The following CHRNA2 variants were observed in gnomAD, a reference collection of about 807,000 sequenced individuals.
CHRNA2 encodes cholinergic receptor nicotinic alpha 2 subunit.
A neutral mutation model predicts 45.5 loss-of-function variants in CHRNA2; 40 were observed. The ratio of observed to expected loss-of-function variants is 0.88; its 90% confidence interval spans 0.68 to 1.15. CHRNA2 has a LOEUF of 1.15. Among genes scored for constraint, CHRNA2 ranks in the 50% most tolerant of loss-of-function variants. CHRNA2 has a pLI of 0.00. For missense variants in CHRNA2, 655 were observed against 701.7 expected (o/e 0.93, Z 0.75); for synonymous variants, 301 against 296.7 (o/e 1.01, Z -0.15).
At chr8:27,477,896 G>A (rs962463777) in intron 1 of CHRNA2, among the ~76,000 whole-genome samples, 5 of 152,060 alleles carry the variant, frequency 3.3e-5, no homozygotes, top group African/African-American at 9.7e-5. Context: ...CGCTGCTCAC[G>A]TACACCAGTT....
At chr8:27,471,982 G>A (rs1033564912) in intron 1 of CHRNA2, among the ~76,000 whole-genome samples, 3 of 152,136 alleles carry the variant, frequency 2.0e-5, no homozygotes, top group Non-Finnish European at 2.9e-5. Flanking sequence ...TAAGTTGATC[G>A]CCAATGGCCA....
chr8:27,476,461 T>C (rs373468979), intron 1 of CHRNA2, among the ~76,000 whole-genome samples: 2 of 152,222 alleles, frequency 1.3e-5, no homozygotes, highest in African/African-American at 4.8e-5. Context: ...TTGTGTTGAG[T>C]TGAGTTTAGA....
intron 5 of CHRNA2, 36 bp from the exon 6 acceptor site, chr8:27,464,029 C>T (rs1202647486): frequency 6.2e-7 from 1 of 1,611,082 alleles, no homozygotes; most frequent in Non-Finnish European, 8.5e-7. Flanking sequence ...GACCCCTGCA[C>T]ACCCACCTGC....
At chr8:27,468,513 C>G (rs769585380) in intron 4 of CHRNA2, among the ~76,000 whole-genome samples, 9 of 152,200 alleles carry the variant, frequency 5.9e-5, no homozygotes, top group Non-Finnish European at 1.0e-4. Flanking sequence ...CAATGCTGGC[C>G]CAGTTTCTTT....
At chr8:27,467,097 G>A (rs910316928) in intron 5 of CHRNA2, 132 bp downstream of exon 5, 3 of 704,398 alleles carry the variant, frequency 4.3e-6, no homozygotes, top group Non-Finnish European at 7.8e-6. Flanking sequence ...AGAGGTAGGG[G>A]AGGCATGCTC....
chr8:27,473,195 G>A (rs947207331), intron 1 of CHRNA2, among the ~76,000 whole-genome samples: 5 of 152,016 alleles, frequency 3.3e-5, no homozygotes, highest in South Asian at 2.1e-4. Flanking sequence ...GGGACACATC[G>A]TGTATGTGGC....
intron 1 of CHRNA2, among the ~76,000 whole-genome samples, chr8:27,478,086 C>G (rs1813115261): frequency 6.6e-6 from 1 of 152,176 alleles, no homozygotes; most frequent in African/African-American, 2.4e-5. Context: ...TTTCCTTCTC[C>G]CAAAAGGCTG....
Position 27,463,042 on chromosome 8 carries a change from C to A in CHRNA2, c.1401G>T (p.Gln467His). The A allele has an allele frequency of 6.2e-7, 1 of 1,613,984 alleles. No individual in the cohort carries two copies. The highest frequency in any genetic ancestry group is 1.1e-5 in the South Asian group (1 of 91,076). Reference protein sequence around the residue: ...EGELLLSPHMQKALEGVHYIA... With the variant: ...EGELLLSPHMHKALEGVHYIA... ...TGTAGTGCACACCTTCCAGTGCCTT[C>A]TGCATGTGGGGTGATAGCAGCAGCT... is the stretch of plus-strand genomic sequence containing the variant. The change falls in exon 6 of 7, where the codon CAG (glutamine) becomes CAT (histidine). Residue 467 changes from glutamine to histidine, a missense_variant. Coordinates refer to ENST00000407991, the MANE Select transcript of CHRNA2 (RefSeq NM_000742.4). The surrounding 1 kb of genome is among the most constrained non-coding windows in gnomAD (Gnocchi z 6.1).
Position 27,463,944 on chromosome 8 carries a change from A to C in CHRNA2, c.499T>G (p.Ser167Ala). The C allele has an allele frequency of 6.2e-7, 1 of 1,614,192 alleles. No homozygotes were observed. Among genetic ancestry groups the C allele is most frequent in the South Asian group, 1.1e-5 (1 of 91,088 alleles). The change falls in exon 6 of 7, where the codon TCC (serine) becomes GCC (alanine). Residue 167 changes from serine to alanine, a missense_variant. Transcript: ENST00000407991. The surrounding 1 kb of genome is among the most constrained non-coding windows in gnomAD (Gnocchi z 6.1). ...VTHMTKAHLF[S>A]TGTVHWVPPA... ...GGCACCCAGTGCACAGTGCCCGTGG[A>C]GAAGAGGTGGGCCTTGGTCATGTGG...
At chr8:27,470,229 G>C (rs1444686140) in intron 2 of CHRNA2, among the ~76,000 whole-genome samples, 1 of 152,186 alleles carries the variant, frequency 6.6e-6, no homozygotes, top group Admixed American at 6.5e-5. Flanking sequence ...GGCAGAGGCA[G>C]GGAAGAGGGG....
Position 27,470,032 on chromosome 8 carries a change from C to A in CHRNA2, c.74-51G>T, listed in dbSNP as rs1451443569. On this transcript the variant is annotated intron_variant, in intron 2 of 6. Coordinates refer to ENST00000407991, the MANE Select transcript of CHRNA2 (RefSeq NM_000742.4). ...CCTCACTGAGCCTCAGTTTGCTCAT[C>A]TGTAAAATGGAGATGCTTATCCAGA... 7.2e-6 allele frequency: 11 copies of A among 1,529,368 alleles called. No individual in the cohort carries two copies. In the South Asian group the frequency reaches 1.3e-4, roughly 18 times the overall value. 94.7% of individuals were successfully genotyped at this position (1,529,368 alleles called of 1,614,324 possible). A position where few individuals can be genotyped will look rare whatever the true frequency, so the allele number is the denominator to read the frequency against.
chr8:27,473,613 G>C lies in CHRNA2; in HGVS notation c.-136-2419C>G, dbSNP rs377161867. Among the ~76,000 whole-genome samples the C allele has an allele frequency of 6.0e-5, 9 of 150,660 alleles. No individual in the cohort carries two copies. In the East Asian group the frequency reaches 1.2e-3, roughly 20 times the overall value. ...TCTCAGCTACTGGGAAGGCCAAGAA[G>C]GGAGGGTCGTGTGAGCCTGGGGAAG... On this transcript the variant is annotated intron_variant, in intron 1 of 6. Transcript: ENST00000407991.
In CHRNA2 at chr8:27,463,193, A is replaced by G. The variant is rs754422429; in HGVS notation, c.1250T>C (p.Val417Ala). 2 of 1,590,014 alleles carry G rather than the reference A, an allele frequency of 1.3e-6. No individual in the cohort carries two copies. The highest frequency in any genetic ancestry group is 1.7e-6 in the Non-Finnish European group (2 of 1,164,770). Residue 417 changes from valine to alanine, a missense_variant, in exon 6 of 7, where the codon GTG (valine) becomes GCG (alanine). Around this residue, in one of 3 missense-constraint regions of CHRNA2, gnomAD observed 295 missense variants for 280.4 expected, o/e 1.05. Coordinates refer to ENST00000407991, the MANE Select transcript of CHRNA2 (RefSeq NM_000742.4). The surrounding 1 kb of genome is among the most constrained non-coding windows in gnomAD (Gnocchi z 6.1). ...NVDAEEREVV[V>A]EEEDRWACAG... ...ACATGCCCATCTGTCCTCCTCCTCC[A>G]CCACCACCTCCCTCTCCTCGGCATC...
chr8:27,471,191 G>C lies in CHRNA2; in HGVS notation c.-133C>G, dbSNP rs886062846. The C allele has an allele frequency of 2.5e-6, 2 of 812,120 alleles. No homozygotes were observed. Among genetic ancestry groups the C allele is most frequent in the Non-Finnish European group, 4.2e-6 (2 of 478,612 alleles). 50.3% of individuals were successfully genotyped at this position (812,120 alleles called of 1,614,324 possible). A position where few individuals can be genotyped will look rare whatever the true frequency, so the allele number is the denominator to read the frequency against. ...TTCTGCGAGGCTTCCTCTCACCACC[G>C]AACCTGAGCAAGCCCAAGAAAGGGC... On this transcript the variant is annotated 5_prime_UTR_variant, in exon 2 of 7. Coordinates refer to ENST00000407991, the MANE Select transcript of CHRNA2 (RefSeq NM_000742.4).
chr8:27,461,682 A>G lies in CHRNA2; in HGVS notation c.1537T>C (p.Phe513Leu), dbSNP rs1340082838. The G allele has an allele frequency of 1.9e-6, 3 of 1,614,152 alleles. No individual in the cohort carries two copies. The highest frequency in any genetic ancestry group is 2.5e-6 in the Non-Finnish European group (3 of 1,180,050). ...AGAAAGAGGCCGATGGTCCCCAGGA[A>G]GCAGACGATGATAAACAGCCAGAGG... ...IFLWLFIIVC[F>L]LGTIGLFLPP... is the part of the protein sequence containing the mutation. Residue 513 changes from phenylalanine (F) to leucine (L), a missense_variant, in exon 7 of 7, where the codon TTC (phenylalanine) becomes CTC (leucine). Phe to Leu is a conservative substitution (Grantham distance 22). Around this residue, in one of 3 missense-constraint regions of CHRNA2, gnomAD observed 295 missense variants for 280.4 expected, o/e 1.05. Coordinates refer to ENST00000407991, the MANE Select transcript of CHRNA2 (RefSeq NM_000742.4).
chr8:27,474,385 G>A (rs1318213248), intron 1 of CHRNA2, among the ~76,000 whole-genome samples: 1 of 152,166 alleles, frequency 6.6e-6, no homozygotes, highest in Admixed American at 6.5e-5. Flanking sequence ...GTTCCCTTGG[G>A]AGAATATTGC....
intron 1 of CHRNA2, among the ~76,000 whole-genome samples, chr8:27,475,042 C>T (rs568893756): frequency 1.3e-5 from 2 of 152,200 alleles, no homozygotes; most frequent in Admixed American, 6.5e-5. Context: ...TATCTCTGGG[C>T]GCAGGAATTA....
In CHRNA2 at chr8:27,470,834, T is replaced by G. The variant is rs1209179214; in HGVS notation, c.73+152A>C. ...TCAGAGCTGTGACTGCCCCTCCACC[T>G]CTGCCAGTGGAAACAGCCACCTGGC... On this transcript the variant is annotated intron_variant, in intron 2 of 6. Coordinates refer to ENST00000407991, the MANE Select transcript of CHRNA2 (RefSeq NM_000742.4). 4 of 738,118 alleles carry G rather than the reference T, an allele frequency of 5.4e-6. No homozygotes were observed. In the East Asian group the frequency reaches 1.1e-4, roughly 21 times the overall value. 45.7% of individuals were successfully genotyped at this position (738,118 alleles called of 1,614,324 possible). A position where few individuals can be genotyped will look rare whatever the true frequency, so the allele number is the denominator to read the frequency against.
At chr8:27,467,444 G>T in intron 4 of CHRNA2, 106 bp from the exon 5 acceptor site, 1 of 839,816 alleles carries the variant, frequency 1.2e-6, no homozygotes, top group Non-Finnish European at 2.0e-6. Flanking sequence ...AGCCCCCTTG[G>T]AGCAGCCAGG....
Sources: allele counts gnomAD v4.1 joint callset (sites outside exome capture counted in the v4.1 genomes callset), GRCh38; gene constraint gnomAD v4.1.1; regional missense constraint gnomAD v4.1.1; non-coding constraint Gnocchi (gnomAD v3.1); transcripts MANE v1.5; gene names NCBI Gene and HGNC (gene_info 2026-07-23, HGNC 2026-07-21).